COL13A1: variants seen among roughly 807,000 people sequenced by gnomAD.
COL13A1 encodes the protein collagen alpha-1(XIII) chain.
In COL13A1, 89 loss-of-function variants were observed where a neutral mutation model predicts 130.9. That is an observed-to-expected ratio of 0.68 (90% confidence interval 0.57 to 0.81). The LOEUF is 0.81. COL13A1 is among the 30% of genes least tolerant of loss of function. The pLI is 0.00. For missense variants in COL13A1, 879 were observed against 934.6 expected (o/e 0.94, Z 0.78); for synonymous variants, 402 against 341.6 (o/e 1.18, Z -1.95).
intron 7 of COL13A1, 35 bp from the exon 8 acceptor site, chr10:69,887,421 T>C: frequency 6.2e-7 from 1 of 1,606,656 alleles, no homozygotes; most frequent in South Asian, 1.1e-5. Flanking sequence ...TCCTCCTTGC[T>C]CAATCTCATG....
chr10:69,947,281 G>A (rs1565153996), intron 37 of COL13A1, 26 bp from the exon 38 acceptor site: 1 of 1,612,554 alleles, frequency 6.2e-7, no homozygotes, highest in Non-Finnish European at 8.5e-7. Flanking sequence ...TCATTAACAT[G>A]CCTTTCTTCC....
At chr10:69,832,089 C>G (rs1438085079) in intron 2 of COL13A1, among the ~76,000 whole-genome samples, 1 of 152,146 alleles carries the variant, frequency 6.6e-6, no homozygotes, top group African/African-American at 2.4e-5. Flanking sequence ...CATGTGAGGT[C>G]CCGAAGGCAA....
intron 2 of COL13A1, among the ~76,000 whole-genome samples, chr10:69,834,566 C>A (rs567801277): frequency 1.3e-5 from 2 of 152,300 alleles, no homozygotes; most frequent in African/African-American, 2.4e-5. Flanking sequence ...TGATCAAGCA[C>A]CCTATGATGT....
chr10:69,891,397 C>T (rs577835639), intron 10 of COL13A1, among the ~76,000 whole-genome samples: 13 of 152,230 alleles, frequency 8.5e-5, no homozygotes, highest in South Asian at 2.1e-4. Flanking sequence ...GAGAATAGCA[C>T]GTGCAAAGGT....
intron 1 of COL13A1, among the ~76,000 whole-genome samples, chr10:69,805,897 A>G (rs1841437074): frequency 6.6e-6 from 1 of 152,276 alleles, no homozygotes; most frequent in Non-Finnish European, 1.5e-5. Flanking sequence ...CAATTCTCCA[A>G]AATGGAGGTG....
At chr10:69,818,537 G>A (rs1234224835) in intron 1 of COL13A1, among the ~76,000 whole-genome samples, 2 of 152,262 alleles carry the variant, frequency 1.3e-5, no homozygotes, top group Non-Finnish European at 2.9e-5. Flanking sequence ...ATTGGCTCAT[G>A]TGATTATGGA....
intron 1 of COL13A1, among the ~76,000 whole-genome samples, chr10:69,803,241 T>A (rs1840557987): frequency 6.6e-6 from 1 of 152,254 alleles, no homozygotes; most frequent in Admixed American, 6.5e-5. Flanking sequence ...CCCAGGCCGC[T>A]AGGGTCCAAG....
rs765853892 is a variant in COL13A1, at chr10:69,822,366, C to T, written c.295-3C>T. The T allele has an allele frequency of 6.3e-7, 1 of 1,577,714 alleles. No individual in the cohort carries two copies. Among genetic ancestry groups the T allele is most frequent in the South Asian group, 1.2e-5 (1 of 84,910 alleles). On this transcript the variant is annotated splice_region_variant and splice_polypyrimidine_tract_variant and intron_variant, in intron 1 of 40. Coordinates refer to ENST00000645393, the MANE Select transcript of COL13A1 (RefSeq NM_001368882.1). The stretch of plus-strand genomic sequence containing the variant: ...GACTCCTCTTGTCTGTCTCCTTGTA[C>T]AGAAATGGAAGCTCCACTCAAGGAG...
chr10:69,887,648 G>C (rs970031584), intron 8 of COL13A1, among the ~76,000 whole-genome samples, 157 bp downstream of exon 8: 2 of 152,158 alleles, frequency 1.3e-5, no homozygotes, highest in African/African-American at 4.8e-5. Context: ...ACCAACTCAG[G>C]ACAGTAGCTC....
At chr10:69,909,412 T>TTCCC (rs2063129725) in intron 17 of COL13A1, among the ~76,000 whole-genome samples, 1 of 152,088 alleles carries the variant, frequency 6.6e-6, no homozygotes, top group Non-Finnish European at 1.5e-5. Flanking sequence ...CACTGGAAGG[T>TTCCC]TCCCATTGCT....
At chr10:69,950,487 C>A (rs899456926) in intron 38 of COL13A1, among the ~76,000 whole-genome samples, 2 of 152,194 alleles carry the variant, frequency 1.3e-5, no homozygotes, top group Non-Finnish European at 2.9e-5. Flanking sequence ...TGGGATCCCC[C>A]ACTCTGGCAG....
chr10:69,952,521 A>G (rs1330386309), intron 38 of COL13A1, among the ~76,000 whole-genome samples: 2 of 152,224 alleles, frequency 1.3e-5, no homozygotes, highest in African/African-American at 4.8e-5. Context: ...CCTTTCAAAA[A>G]CAGACTCAAA....
At chr10:69,933,701 G>A (rs1204315405) in intron 31 of COL13A1, among the ~76,000 whole-genome samples, 2 of 152,140 alleles carry the variant, frequency 1.3e-5, no homozygotes, top group African/African-American at 4.8e-5. Flanking sequence ...CCTAATTCAG[G>A]AAAAGCATTA....
intron 17 of COL13A1, among the ~76,000 whole-genome samples, chr10:69,913,957 G>A (rs1383849198): frequency 1.3e-5 from 2 of 152,150 alleles, no homozygotes; most frequent in Non-Finnish European, 1.5e-5. Context: ...GGGAAGGGGC[G>A]AAGGTCAGCC....
At chr10:69,940,893 C>T in intron 34 of COL13A1, 95 bp from the exon 35 acceptor site, 1 of 1,542,972 alleles carries the variant, frequency 6.5e-7, no homozygotes, top group South Asian at 1.1e-5. Context: ...TCCAGAGTCA[C>T]TGCTTTACTC....
intron 17 of COL13A1, among the ~76,000 whole-genome samples, chr10:69,909,636 C>G (rs1289535289): frequency 2.0e-5 from 3 of 152,198 alleles, no homozygotes; most frequent in African/African-American, 7.2e-5. Context: ...CAGCAGCAGG[C>G]AGCCTGCCAC....
intron 6 of COL13A1, 53 bp from the exon 7 acceptor site, chr10:69,880,450 T>TCTCCATAC (rs2060012520): frequency 9.6e-7 from 1 of 1,044,100 alleles, no homozygotes. Flanking sequence ...CCGCTCCTCT[T>TCTCCATAC]CTCCATACCT....
At chr10:69,890,605 G>A (rs1198520760) in intron 10 of COL13A1, among the ~76,000 whole-genome samples, 1 of 152,260 alleles carries the variant, frequency 6.6e-6, no homozygotes, top group Admixed American at 6.5e-5. Flanking sequence ...GCCAGGGCAT[G>A]GAGGGAGGCA....
rs1263091644 is a variant in COL13A1, at chr10:69,893,450, T to C, written c.604-1102T>C. ...GGCCACTTCTCCCTTCCAGTGATGCTCTTGGGAGTTTCCCAGTTTGGAGGT... is the reference window on the plus strand; with the variant it reads ...GGCCACTTCTCCCTTCCAGTGATGCCCTTGGGAGTTTCCCAGTTTGGAGGT... On this transcript the variant is annotated intron_variant, in intron 10 of 40. Transcript: ENST00000645393. Among the ~76,000 whole-genome samples the C allele has an allele frequency of 2.0e-5, 3 of 152,226 alleles. No individual in the cohort carries two copies. In the South Asian group the frequency reaches 6.2e-4, roughly 31 times the overall value.
Sources: allele counts gnomAD v4.1 joint callset (sites outside exome capture counted in the v4.1 genomes callset), GRCh38; gene constraint gnomAD v4.1.1; transcripts MANE v1.5; gene names NCBI Gene and HGNC (gene_info 2026-07-23, HGNC 2026-07-21).